The following ABCA13 variants were observed in gnomAD, a reference collection of about 807,000 sequenced individuals.
ABCA13 encodes the protein ATP-binding cassette sub-family A member 13.
ABCA13 carries 476 observed loss-of-function variants against 478.7 expected under a neutral mutation model. That is an observed-to-expected ratio of 0.99 (90% confidence interval 0.92 to 1.07). The LOEUF is 1.07. Ranked by LOEUF, ABCA13 falls within the 50% of genes least tolerant of loss-of-function variation. The pLI is 0.00. For synonymous variants in ABCA13, 2,252 were observed against 2,158.9 expected (o/e 1.04, Z -1.20); for missense variants, 6,060 against 5,910.6 (o/e 1.03, Z -0.83).
At chr7:48,496,120 G>A (rs1459776638) in intron 48 of ABCA13, among the ~76,000 whole-genome samples, 1 of 151,986 alleles carries the variant, frequency 6.6e-6, no homozygotes, top group African/African-American at 2.4e-5. Context: ...ATATATTTGG[G>A]TGTAAGTCTG....
At chr7:48,427,399 T>A (rs1821577145) in intron 41 of ABCA13, among the ~76,000 whole-genome samples, 2 of 152,358 alleles carry the variant, frequency 1.3e-5, no homozygotes, top group South Asian at 4.1e-4. Context: ...ATTGTCTGAT[T>A]CACCTCTGAA....
intron 31 of ABCA13, among the ~76,000 whole-genome samples, chr7:48,361,124 C>T (rs1056792885): frequency 2.6e-5 from 4 of 151,192 alleles, no homozygotes; most frequent in African/African-American, 4.9e-5. Flanking sequence ...AAGAAAACTA[C>T]GAATGACTTA....
chr7:48,344,591 G>A (rs1051429373), intron 29 of ABCA13, among the ~76,000 whole-genome samples: 1 of 152,134 alleles, frequency 6.6e-6, no homozygotes, highest in African/African-American at 2.4e-5. Flanking sequence ...TGCCCTTTCA[G>A]ACTTAAAGTA....
intron 1 of ABCA13, among the ~76,000 whole-genome samples, chr7:48,172,256 G>T (rs147711254): frequency 0.025 from 3,859 of 152,256 alleles, 174 homozygotes; most frequent in African/African-American, 0.088. Context: ...AGGAGAAGTA[G>T]ATGTGCAGTA....
intron 50 of ABCA13, among the ~76,000 whole-genome samples, chr7:48,508,802 A>T (rs544388096): frequency 6.6e-6 from 1 of 152,304 alleles, no homozygotes; most frequent in Non-Finnish European, 1.5e-5. Flanking sequence ...GTGCTGTCTG[A>T]GCTGTGCTAC....
Position 48,528,306 on chromosome 7 carries a change from C to T in ABCA13, c.14315C>T (p.Ser4772Phe), listed in dbSNP as rs1390226864. 1.9e-6 allele frequency: 3 copies of T among 1,574,130 alleles called. No individual in the cohort carries two copies. The highest frequency in any genetic ancestry group is 2.6e-6 in the Non-Finnish European group (3 of 1,158,500). ...TTFKMLNGEV[S>F]LTSGHAIIRT... is the part of the protein sequence containing the mutation. Reference sequence around the variant, plus strand: ...TTCAAAATGCTGAATGGTGAAGTTTCTCTAACTTCAGGACATGCTATCATC... The same window carrying T: ...TTCAAAATGCTGAATGGTGAAGTTTTTCTAACTTCAGGACATGCTATCATC... Residue 4772 changes from serine (S) to phenylalanine (F), a missense_variant, in exon 55 of 62, where the codon TCT becomes TTT. Coordinates refer to ENST00000435803, the MANE Select transcript of ABCA13 (RefSeq NM_152701.5).
In ABCA13 at chr7:48,467,045, A is replaced by G. The variant is rs4917153; in HGVS notation, c.12905A>G (p.Gln4302Arg). ...DLPCADLNPR[Q>R]KNSSCWRTDP... ...CCCTGTGCAGATTTAAACCCACGCC[A>G]GTAAGTGTCAGGTGCTCTCTGCAAA... Residue 4302 changes from glutamine to arginine, a missense_variant and splice_region_variant, in exon 44 of 62, where the codon CAG (glutamine) becomes CGG (arginine). Physicochemically the swap from Gln to Arg is conservative, Grantham distance 43. This residue lies in a region of ABCA13 where 1,627 missense variants were observed against 1,571.0 expected (regional missense o/e 1.04). Coordinates refer to ENST00000435803, the MANE Select transcript of ABCA13 (RefSeq NM_152701.5). The G allele has an allele frequency of 0.14, 233,888 of 1,613,200 alleles. 19,512 individuals are homozygous for G. Among genetic ancestry groups the G allele is most frequent in the African/African-American group, 0.31 (23,163 of 74,956 alleles).
At chr7:48,443,042 T>A (rs1823840487) in intron 42 of ABCA13, among the ~76,000 whole-genome samples, 1 of 152,136 alleles carries the variant, frequency 6.6e-6, no homozygotes, top group Non-Finnish European at 1.5e-5. Flanking sequence ...ACAGGAAATG[T>A]ACGCATAAAA....
At chr7:48,201,164 G>A (rs952119460) in intron 3 of ABCA13, among the ~76,000 whole-genome samples, 1 of 152,232 alleles carries the variant, frequency 6.6e-6, no homozygotes, top group Non-Finnish European at 1.5e-5. Flanking sequence ...GAGAACTCCT[G>A]AGTCATTCAA....
intron 55 of ABCA13, among the ~76,000 whole-genome samples, chr7:48,539,739 A>G (rs1219440411): frequency 1.3e-5 from 2 of 152,206 alleles, no homozygotes; most frequent in Non-Finnish European, 2.9e-5. Flanking sequence ...ACTAGAAATA[A>G]TAACTCAAAT....
intron 15 of ABCA13, among the ~76,000 whole-genome samples, chr7:48,251,177 G>A (rs1237547648): frequency 6.6e-6 from 1 of 152,018 alleles, no homozygotes; most frequent in Non-Finnish European, 1.5e-5. Context: ...ATGTTCTTCT[G>A]GGTTGAGTAC....
chr7:48,372,283 GCATCTTTGCA>G lies in ABCA13; in HGVS notation c.10922_10931del (p.Ile3641ThrfsTer21), dbSNP rs1812754572. 8.7e-6 allele frequency: 14 copies of G among 1,613,764 alleles called. No individual in the cohort carries two copies. Among genetic ancestry groups the G allele is most frequent in the Non-Finnish European group, 1.2e-5 (14 of 1,179,852 alleles). Reference sequence around the variant, plus strand: ...CTGGCCATCGTTCTGAAAACAAGTGGCATCTTTGCACACAGCAATACCTTTATTGTTTTCC... The same window carrying G: ...CTGGCCATCGTTCTGAAAACAAGTGGCACAGCAATACCTTTATTGTTTTCC... On this transcript the variant is annotated frameshift_variant, in exon 33 of 62. Transcript: ENST00000435803. LOFTEE classifies it high-confidence loss of function.
chr7:48,645,465 C>G lies in ABCA13; in HGVS notation c.15130C>G (p.Leu5044Val). 6.3e-7 allele frequency: 1 copy of G among 1,589,096 alleles called. No homozygotes were observed. Among genetic ancestry groups the G allele is most frequent in the Non-Finnish European group, 8.6e-7 (1 of 1,166,566 alleles). The change falls in exon 62 of 62, where the codon CTT becomes GTT. Residue 5044 changes from leucine to valine, a missense_variant. This residue lies in a region of ABCA13 where 1,627 missense variants were observed against 1,571.0 expected (regional missense o/e 1.04). Transcript: ENST00000435803. ...SEQQQTLQSTLDPSTDSHHTH... is the reference protein window; with the variant it reads ...SEQQQTLQSTVDPSTDSHHTH... Reference sequence around the variant, plus strand: ...GCAGCAGCAAACTCTACAATCTACTCTTGATCCATCCACTGACAGTCACCA... The same window carrying G: ...GCAGCAGCAAACTCTACAATCTACTGTTGATCCATCCACTGACAGTCACCA...
chr7:48,419,849 G>A (rs1820510496), intron 41 of ABCA13, among the ~76,000 whole-genome samples: 1 of 152,080 alleles, frequency 6.6e-6, no homozygotes, highest in Non-Finnish European at 1.5e-5. Flanking sequence ...GGGCAACCAT[G>A]GGCAAAGAAT....
chr7:48,230,023 C>CAT, intron 7 of ABCA13, 68 bp downstream of exon 7: 1 of 1,500,304 alleles, frequency 6.7e-7, no homozygotes, highest in Non-Finnish European at 9.0e-7. Context: ...TGACAGTTGA[C>CAT]ATAGAGCTAA....
intron 41 of ABCA13, among the ~76,000 whole-genome samples, chr7:48,420,396 T>C (rs1028030932): frequency 5.9e-5 from 9 of 152,174 alleles, no homozygotes; most frequent in Non-Finnish European, 1.3e-4. Flanking sequence ...GATGGGACCA[T>C]AGAGAGTTAG....
At chr7:48,359,845 C>T (rs998904324) in intron 31 of ABCA13, among the ~76,000 whole-genome samples, 5 of 152,000 alleles carry the variant, frequency 3.3e-5, no homozygotes, top group African/African-American at 9.7e-5. Flanking sequence ...TCTGTCATTG[C>T]ACTCACTGAT....
intron 59 of ABCA13, among the ~76,000 whole-genome samples, chr7:48,619,692 A>C (rs1792943487): frequency 6.6e-6 from 1 of 152,184 alleles, no homozygotes; most frequent in Admixed American, 6.5e-5. Flanking sequence ...CATATATGCC[A>C]AGTGGCCTCC....
At chr7:48,191,882 A>G (rs988794111) in intron 1 of ABCA13, among the ~76,000 whole-genome samples, 1 of 152,226 alleles carries the variant, frequency 6.6e-6, no homozygotes, top group Admixed American at 6.5e-5. Flanking sequence ...AAAGAAACCA[A>G]AGTGACCAGA....
Sources: allele counts gnomAD v4.1 joint callset (sites outside exome capture counted in the v4.1 genomes callset), GRCh38; gene constraint gnomAD v4.1.1; regional missense constraint gnomAD v4.1.1; transcripts MANE v1.5; gene names NCBI Gene and HGNC (gene_info 2026-07-23, HGNC 2026-07-21).